Variants in ZNF397 observed in about 807,000 individuals in gnomAD.
The protein encoded by ZNF397 is zinc finger protein 397.
In ZNF397, 38 loss-of-function variants were observed where a neutral mutation model predicts 50.6. The observed-to-expected ratio is 0.75, with a 90% CI of 0.58 to 0.98. The LOEUF is 0.98. Among genes scored for constraint, ZNF397 ranks in the 50% least tolerant of loss-of-function variants. The pLI, the probability that ZNF397 is intolerant of heterozygous loss-of-function variation, is 0.00. For missense variants in ZNF397, 624 were observed against 624.1 expected (o/e 1.00, Z 0.00); for synonymous variants, 228 against 215.2 (o/e 1.06, Z -0.52).
intron 3 of ZNF397, among the ~76,000 whole-genome samples, chr18:35,244,644 G>C (rs1181661137): frequency 6.6e-6 from 1 of 152,072 alleles, no homozygotes; most frequent in African/African-American, 2.4e-5. Context: ...CTAGAAGGAA[G>C]GTGTGATCCT....
chr18:35,254,330 TCAA>T (rs776909569), downstream of ZNF397: 1 of 1,613,904 alleles, frequency 6.2e-7, no homozygotes, highest in South Asian at 1.1e-5. Context: ...GGCTACACAT[TCAA>T]CAATTTCTTG....
Position 35,246,413 on chromosome 18 carries a change from C to G in ZNF397, c.*103C>G, listed in dbSNP as rs2043483466. The stretch of plus-strand genomic sequence containing the variant: ...AAAACTCCATAAAGGTTATAAAATA[C>G]TAGGTCTTGAGTCTAGCTTGCTTTG... On this transcript the variant is annotated 3_prime_UTR_variant, in exon 4 of 4. Transcript: ENST00000330501. 2 of 1,456,868 alleles carry G rather than the reference C, an allele frequency of 1.4e-6. No individual in the cohort carries two copies. Among genetic ancestry groups the G allele is most frequent in the South Asian group, 3.0e-5 (2 of 66,006 alleles). The allele number at this position is 1,456,868 out of a possible 1,614,324, so 90.2% of individuals were successfully genotyped here.
At chr18:35,254,450 A>G, downstream of ZNF397, 2 of 1,610,048 alleles carry the variant, frequency 1.2e-6, no homozygotes, top group East Asian at 4.5e-5. Context: ...TGTAGCAGGA[A>G]CACAAACTCA....
At chr18:35,255,814 A>G (rs1283983262) in intron 5 of ZNF397, 1 of 154,402 alleles carries the variant, frequency 6.5e-6, no homozygotes, top group African/African-American at 2.4e-5. Flanking sequence ...TGGATTTTAG[A>G]TAGAAATTTA....
downstream of ZNF397, chr18:35,258,601 G>A (rs918701378): frequency 3.9e-5 from 6 of 152,888 alleles, no homozygotes; most frequent in East Asian, 1.2e-3. Flanking sequence ...GCTGGGCACG[G>A]TGGCTCATGC....
chr18:35,243,382 AC>A (rs745408550), intron 3 of ZNF397, 89 bp downstream of exon 3: 1 of 1,581,904 alleles, frequency 6.3e-7, no homozygotes, highest in Non-Finnish European at 8.7e-7. Flanking sequence ...CAAACTTGCC[AC>A]ATGTGAGCAT....
chr18:35,245,237 G>GT (rs775143994), intron 3 of ZNF397, 25 bp from the exon 4 acceptor site: 424 of 1,555,852 alleles, frequency 2.7e-4, no homozygotes, highest in Non-Finnish European at 3.6e-4. Flanking sequence ...TGTAATATCT[G>GT]TTTTTTTGCT....
exon 6 of ZNF397, chr18:35,258,058 AATGGC>A (rs1190398526): frequency 1.3e-6 from 1 of 772,742 alleles, no homozygotes; most frequent in African/African-American, 1.7e-5. Flanking sequence ...AGGTTGTAAA[AATGGC>A]ATGGTGACTC....
Position 35,255,034 on chromosome 18 carries a change from T to A in ZNF397, c.817+632T>A, listed in dbSNP as rs188070294. 553 of 153,726 alleles carry A rather than the reference T, an allele frequency of 3.6e-3. 1 individual carries two copies. Among genetic ancestry groups the A allele is most frequent in the South Asian group, 7.2e-3 (35 of 4,886 alleles). 9.5% of individuals were successfully genotyped at this position (153,726 alleles called of 1,614,324 possible). A position where few individuals can be genotyped will look rare whatever the true frequency, so the allele number is the denominator to read the frequency against. On this transcript the variant is annotated intron_variant, in intron 5 of 5. Coordinates refer to the ZNF397 transcript ENST00000261333. Reference sequence around the variant, plus strand: ...GAATTTTTTTTAACTTTAAAAAAAATTTTGCACTTAAATCATCCATGGAAT... The same window carrying A: ...GAATTTTTTTTAACTTTAAAAAAAAATTTGCACTTAAATCATCCATGGAAT...
chr18:35,245,567 G>T lies in ZNF397; in HGVS notation c.862G>T (p.Asp288Tyr). ...TCCAGAAGAGAGACCTTATAGATGT[G>T]ATGTATGTGGGCACAGCTTCAAGCA... The part of the protein sequence containing the change: ...VPPEERPYRC[D>Y]VCGHSFKQHS... The change falls in exon 4 of 4, where the codon GAT becomes TAT. Residue 288 changes from aspartate to tyrosine, a missense_variant. Coordinates refer to ENST00000330501, the MANE Select transcript of ZNF397 (RefSeq NM_001135178.3). 1 of 1,552,584 alleles carries T rather than the reference G, an allele frequency of 6.4e-7. No homozygotes were observed. The highest frequency in any genetic ancestry group is 8.7e-7 in the Non-Finnish European group (1 of 1,147,296).
At chr18:35,253,361 T>C (rs1040941351), downstream of ZNF397, 8 of 1,080,846 alleles carry the variant, frequency 7.4e-6, no homozygotes, top group Admixed American at 1.3e-4. Flanking sequence ...ACAGAAGTTC[T>C]GCTCTCAGGA....
chr18:35,259,010 T>C (rs575504893), downstream of ZNF397: 22 of 153,218 alleles, frequency 1.4e-4, no homozygotes, highest in African/African-American at 5.3e-4. Flanking sequence ...GAGTATTTCA[T>C]ATGGACATAA....
chr18:35,253,605 T>A, downstream of ZNF397: 1 of 1,613,948 alleles, frequency 6.2e-7, no homozygotes, highest in Non-Finnish European at 8.5e-7. Context: ...CCACATTCAT[T>A]ACATTCATAA....
chr18:35,254,101 ACTCT>A (rs760743116), downstream of ZNF397: 18 of 1,613,910 alleles, frequency 1.1e-5, no homozygotes. Context: ...AACTTCCTTC[ACTCT>A]CATGAGATTC....
At chr18:35,253,409 ACTC>A (rs755337156), downstream of ZNF397, 1 of 1,507,050 alleles carries the variant, frequency 6.6e-7, no homozygotes, top group African/African-American at 1.4e-5. Flanking sequence ...CCTACAGTGA[ACTC>A]CTTGCATTTC....
chr18:35,253,761 T>TC (rs1179966831), downstream of ZNF397: 3 of 1,614,068 alleles, frequency 1.9e-6, no homozygotes, highest in East Asian at 4.5e-5. Flanking sequence ...CTGAAGGCCT[T>TC]CCCACATTCT....
downstream of ZNF397, chr18:35,251,069 ACT>A (rs1336179522): frequency 1.3e-5 from 2 of 152,218 alleles, no homozygotes; most frequent in Non-Finnish European, 2.9e-5. Context: ...AACTTTTAAA[ACT>A]CAAGTTTTAT....
In ZNF397 at chr18:35,247,279, G is replaced by C. The variant is rs1350733861; in HGVS notation, c.*969G>C. 4.6e-6 allele frequency: 3 copies of C among 656,802 alleles called. No individual in the cohort carries two copies. In the East Asian group the frequency reaches 4.1e-4, roughly 90 times the overall value. The allele number at this position is 656,802 out of a possible 1,614,324, so 40.7% of individuals were successfully genotyped here. On this transcript the variant is annotated 3_prime_UTR_variant, in exon 4 of 4. Coordinates refer to ENST00000330501, the MANE Select transcript of ZNF397 (RefSeq NM_001135178.3). ...TCAAGAGCTTTGTCTTGGTTTATGTGACCCCAGGGAAAGGGCAAATATGTG... is the reference window on the plus strand; with the variant it reads ...TCAAGAGCTTTGTCTTGGTTTATGTCACCCCAGGGAAAGGGCAAATATGTG...
At chr18:35,242,310 C>T in intron 1 of ZNF397, 81 bp from the exon 2 acceptor site, 1 of 628,572 alleles carries the variant, frequency 1.6e-6, no homozygotes, top group South Asian at 2.6e-5. Context: ...CAATATATTA[C>T]TAAAGTTACT....
Sources: gnomAD v4.1 joint callset for allele counts (sites outside exome capture counted in the v4.1 genomes callset) on GRCh38, gnomAD v4.1.1 for gene constraint, MANE v1.5 for transcripts, NCBI Gene and HGNC (gene_info 2026-07-23, HGNC 2026-07-21) for gene names.